The following BTRC variants were observed in gnomAD, a reference collection of about 807,000 sequenced individuals.
BTRC encodes beta-transducin repeat containing E3 ubiquitin protein ligase.
Under a neutral mutation model 85.5 loss-of-function variants are expected in BTRC, and 42 were observed. The ratio of observed to expected loss-of-function variants is 0.49; its 90% CI spans 0.38 to 0.64. The LOEUF is 0.64. Among genes scored for constraint, BTRC ranks in the 30% least tolerant of loss-of-function variants. BTRC has a pLI of 0.00. For synonymous variants in BTRC, 255 were observed against 263.3 expected (o/e 0.97, Z 0.30); for missense variants, 594 against 743.5 (o/e 0.80, Z 2.34).
chr10:101,491,574 A>G (rs1031870495), intron 4 of BTRC, among the ~76,000 whole-genome samples: 20 of 152,000 alleles, frequency 1.3e-4, no homozygotes, highest in African/African-American at 4.6e-4. Context: ...GCAGGCGCCT[A>G]TAAGCCCAGC....
chr10:101,379,788 G>A (rs1180340705), intron 1 of BTRC, among the ~76,000 whole-genome samples: 1 of 151,982 alleles, frequency 6.6e-6, no homozygotes, highest in Non-Finnish European at 1.5e-5. Flanking sequence ...ATTAAGGAAC[G>A]ATTCTTACAA....
intron 8 of BTRC, among the ~76,000 whole-genome samples, 155 bp from the exon 9 acceptor site, chr10:101,532,797 T>TGCGCGCGCGTGCGCGTGTGCGC (rs2062316079): frequency 7.1e-6 from 1 of 141,174 alleles, no homozygotes; most frequent in South Asian, 2.2e-4. Flanking sequence ...TGTGCGCGTG[T>TGCGCGCGCGTGCGCGTGTGCGC]GCGCGCGCGC....
At chr10:101,414,036 T>G (rs145060990) in intron 1 of BTRC, among the ~76,000 whole-genome samples, 1 of 152,292 alleles carries the variant, frequency 6.6e-6, no homozygotes, top group Admixed American at 6.5e-5. Context: ...TTCAGTAGTT[T>G]TAGCACATTC....
chr10:101,367,043 A>AAAAT, intron 1 of BTRC, among the ~76,000 whole-genome samples: 1 of 43,382 alleles, frequency 2.3e-5, no homozygotes, highest in South Asian at 5.3e-4. Flanking sequence ...TATATATATA[A>AAAAT]ATATATATAT....
chr10:101,390,224 C>T (rs1327038755), intron 1 of BTRC, among the ~76,000 whole-genome samples: 1 of 151,730 alleles, frequency 6.6e-6, no homozygotes, highest in Non-Finnish European at 1.5e-5. Context: ...AAAATAGAAG[C>T]TGATGATAAA....
At chr10:101,472,362 C>T (rs1945555514) in intron 3 of BTRC, among the ~76,000 whole-genome samples, 1 of 128,486 alleles carries the variant, frequency 7.8e-6, no homozygotes, top group African/African-American at 2.6e-5. Flanking sequence ...GAGATGGGGT[C>T]TCTCCCTATG....
At chr10:101,376,077 G>C (rs571496818) in intron 1 of BTRC, among the ~76,000 whole-genome samples, 33 of 152,300 alleles carry the variant, frequency 2.2e-4, no homozygotes, top group African/African-American at 7.9e-4. Context: ...TGTAATCCTA[G>C]CACTTCGGGA....
At chr10:101,356,984 G>A (rs1942052895) in intron 1 of BTRC, among the ~76,000 whole-genome samples, 1 of 150,358 alleles carries the variant, frequency 6.7e-6, no homozygotes, top group South Asian at 2.1e-4. Flanking sequence ...AAAAAATTAG[G>A]CGGGTGTGGC....
At chr10:101,390,493 A>ATGCC (rs1490550682) in intron 1 of BTRC, among the ~76,000 whole-genome samples, 4 of 121,238 alleles carry the variant, frequency 3.3e-5, no homozygotes, top group Non-Finnish European at 6.0e-5. Context: ...GCCCGCCACC[A>ATGCC]CGCCTAATTT....
chr10:101,471,025 T>C (rs1945510420), intron 3 of BTRC, among the ~76,000 whole-genome samples: 1 of 152,178 alleles, frequency 6.6e-6, no homozygotes, highest in South Asian at 2.1e-4. Context: ...TTTATGTCCC[T>C]GTAGACAAGG....
At chr10:101,544,855 C>A (rs544144121) in intron 13 of BTRC, among the ~76,000 whole-genome samples, 1 of 152,138 alleles carries the variant, frequency 6.6e-6, no homozygotes, top group South Asian at 2.1e-4. Flanking sequence ...CTCAGGAGTT[C>A]AAGACCAGCC....
chr10:101,404,026 A>ATCTTT (rs1438676972), intron 1 of BTRC, among the ~76,000 whole-genome samples: 1 of 26,212 alleles, frequency 3.8e-5, no homozygotes, highest in African/African-American at 1.2e-4. Context: ...ATATATATAT[A>ATCTTT]TATATTTTTT....
chr10:101,508,700 G>A (rs1946605038), intron 4 of BTRC, among the ~76,000 whole-genome samples: 5 of 152,024 alleles, frequency 3.3e-5, no homozygotes, highest in Non-Finnish European at 7.4e-5. Context: ...AGATCACGAG[G>A]TCAGGAGATC....
Position 101,432,989 on chromosome 10 carries a change from T to C in BTRC, c.156+2537T>C, listed in dbSNP as rs117910449. On this transcript the variant is annotated intron_variant, in intron 2 of 14. Coordinates refer to ENST00000370187, the MANE Select transcript of BTRC (RefSeq NM_033637.4). ...TATTTCCTCCTGGTGTTGAAACTTA[T>C]AGGTATGGTTTAGTGCCCCCAACAT... Among the ~76,000 whole-genome samples the C allele has an allele frequency of 3.1e-3, 475 of 152,264 alleles. 2 individuals carry two copies. Among genetic ancestry groups the C allele is most frequent in the Non-Finnish European group, 5.5e-3 (375 of 68,022 alleles).
rs1176699599 is a variant in BTRC, at chr10:101,366,786, A to AT, written c.48+12559dup. On this transcript the variant is annotated intron_variant, in intron 1 of 14. Transcript: ENST00000370187. ...TCTAGTTATATATATATATATATAT[A>AT]TATTTTTACATTTATATATATATTT... Among the ~76,000 whole-genome samples, 3 of 74,366 alleles carry AT rather than the reference A, an allele frequency of 4.0e-5. 1 individual carries two copies. The highest frequency in any genetic ancestry group is 8.7e-5 in the African/African-American group (2 of 22,910). The allele number at this position is 74,366 out of a possible 152,430, so 48.8% of individuals were successfully genotyped here. A position where few individuals can be genotyped will look rare whatever the true frequency, so the allele number is the denominator to read the frequency against.
At chr10:101,433,369 G>A (rs1564769656) in intron 2 of BTRC, among the ~76,000 whole-genome samples, 1 of 152,192 alleles carries the variant, frequency 6.6e-6, no homozygotes, top group Non-Finnish European at 1.5e-5. Flanking sequence ...GGAGCTGTAA[G>A]AATATATAAA....
At chr10:101,416,329 G>T (rs894484378) in intron 1 of BTRC, among the ~76,000 whole-genome samples, 7 of 151,626 alleles carry the variant, frequency 4.6e-5, no homozygotes, top group Non-Finnish European at 4.4e-5. Context: ...TTTTAATTTG[G>T]CCATTTGATC....
chr10:101,387,945 C>T (rs1943128235), intron 1 of BTRC, among the ~76,000 whole-genome samples: 1 of 152,080 alleles, frequency 6.6e-6, no homozygotes, highest in Non-Finnish European at 1.5e-5. Context: ...CTGCCTCGGC[C>T]TCCCAAAGTG....
At chr10:101,494,205 C>CT (rs1946204781) in intron 4 of BTRC, among the ~76,000 whole-genome samples, 1 of 152,176 alleles carries the variant, frequency 6.6e-6, no homozygotes, top group Non-Finnish European at 1.5e-5. Context: ...CAAAACCAAA[C>CT]TAAGGTGGTA....
Sources: allele counts gnomAD v4.1 joint callset (sites outside exome capture counted in the v4.1 genomes callset), GRCh38; gene constraint gnomAD v4.1.1; transcripts MANE v1.5; gene names NCBI Gene and HGNC (gene_info 2026-07-23, HGNC 2026-07-21).